The following CDH20 variants were observed in gnomAD, a reference collection of about 807,000 sequenced individuals.
The protein encoded by CDH20 is cadherin 20.
In CDH20, 29 loss-of-function variants were observed where a neutral mutation model predicts 74.2. The ratio of observed to expected loss-of-function variants is 0.39; its 90% CI spans 0.29 to 0.53. CDH20 has a LOEUF of 0.53. CDH20 is among the 20% of genes least tolerant of loss of function. The pLI is 0.69. For synonymous variants in CDH20, 469 were observed against 405.4 expected (o/e 1.16, Z -1.88); for missense variants, 988 against 1,048.3 (o/e 0.94, Z 0.79).
intron 1 of CDH20, among the ~76,000 whole-genome samples, chr18:61,465,323 A>C (rs78654619): frequency 1.3e-5 from 2 of 152,330 alleles, no homozygotes; most frequent in Admixed American, 6.5e-5. Flanking sequence ...CCAGCCCCCT[A>C]GCCTCTCTCA....
chr18:61,509,428 G>A (rs914209034), intron 6 of CDH20, among the ~76,000 whole-genome samples: 22 of 152,218 alleles, frequency 1.4e-4, no homozygotes, highest in East Asian at 1.2e-3. Flanking sequence ...TGAGGAAAGC[G>A]TTCCAAGCAA....
chr18:61,478,454 T>C (rs1229594546), intron 1 of CDH20, among the ~76,000 whole-genome samples: 1 of 152,088 alleles, frequency 6.6e-6, no homozygotes, highest in Non-Finnish European at 1.5e-5. Flanking sequence ...TTTTCTACCT[T>C]TGATAAAGGT....
chr18:61,455,333 T>C (rs985942011), intron 1 of CDH20, among the ~76,000 whole-genome samples: 1 of 152,180 alleles, frequency 6.6e-6, no homozygotes, highest in Non-Finnish European at 1.5e-5. Flanking sequence ...AGTCTGTAGT[T>C]TAGTTAATTA....
At chr18:61,460,173 C>T (rs1909719262) in intron 1 of CDH20, among the ~76,000 whole-genome samples, 1 of 152,174 alleles carries the variant, frequency 6.6e-6, no homozygotes, top group Non-Finnish European at 1.5e-5. Flanking sequence ...TGCATAGAGA[C>T]TGAGCTCACT....
chr18:61,355,784 T>C (rs1910477152), intron 1 of CDH20, among the ~76,000 whole-genome samples: 1 of 152,216 alleles, frequency 6.6e-6, no homozygotes. Flanking sequence ...TTTTCATGGA[T>C]TTTATACACA....
chr18:61,519,769 C>A (rs1291707270), intron 6 of CDH20, among the ~76,000 whole-genome samples: 1 of 150,912 alleles, frequency 6.6e-6, no homozygotes. Context: ...TCACACATAA[C>A]AATATAAACC....
At chr18:61,520,510 G>A (rs919370711) in intron 6 of CDH20, among the ~76,000 whole-genome samples, 1 of 150,696 alleles carries the variant, frequency 6.6e-6, no homozygotes, top group African/African-American at 2.5e-5. Context: ...ACACCCTACT[G>A]TCAATATTAG....
intron 6 of CDH20, among the ~76,000 whole-genome samples, chr18:61,513,553 T>G (rs892049551): frequency 6.7e-6 from 1 of 148,802 alleles, no homozygotes; most frequent in South Asian, 2.2e-4. Context: ...CGATGTTAGC[T>G]GGTTATTTTG....
chr18:61,536,798 G>A (rs1348447376), intron 8 of CDH20, among the ~76,000 whole-genome samples, 169 bp downstream of exon 8: 1 of 152,132 alleles, frequency 6.6e-6, no homozygotes, highest in Non-Finnish European at 1.5e-5. Context: ...CTTTTTTGAG[G>A]CTCGCTTGTA....
intron 6 of CDH20, among the ~76,000 whole-genome samples, chr18:61,525,964 A>ATTTTTTTTTTTT: frequency 1.2e-5 from 1 of 84,366 alleles, no homozygotes; most frequent in Non-Finnish European, 2.2e-5. Context: ...CACCCAGCTA[A>ATTTTTTTTTTTT]TTTTTTTTTT....
chr18:61,437,388 C>T (rs577759122), intron 1 of CDH20, among the ~76,000 whole-genome samples: 1 of 152,260 alleles, frequency 6.6e-6, no homozygotes, highest in African/African-American at 2.4e-5. Context: ...CAACTTCACT[C>T]TTGATGAGAA....
intron 11 of CDH20, among the ~76,000 whole-genome samples, chr18:61,551,974 C>A (rs1913451914): frequency 6.6e-6 from 1 of 152,106 alleles, no homozygotes; most frequent in South Asian, 2.1e-4. Flanking sequence ...GTCTTTTAAA[C>A]CGTACAGAAA....
chr18:61,351,992 A>G (rs1172860321), intron 1 of CDH20, among the ~76,000 whole-genome samples: 3 of 152,234 alleles, frequency 2.0e-5, no homozygotes, highest in Middle Eastern at 3.2e-3. Flanking sequence ...ATAAATGATT[A>G]TCATTTAAAA....
intron 1 of CDH20, among the ~76,000 whole-genome samples, chr18:61,379,071 A>G (rs1911346177): frequency 6.6e-6 from 1 of 152,194 alleles, no homozygotes; most frequent in African/African-American, 2.4e-5. Flanking sequence ...ATCTACAATT[A>G]GGTTTTTCCC....
chr18:61,478,455 TGATAAAGGTAGG>T (rs945572412), intron 1 of CDH20, among the ~76,000 whole-genome samples: 1 of 152,130 alleles, frequency 6.6e-6, no homozygotes, highest in African/African-American at 2.4e-5. Context: ...TTTCTACCTT[TGATAAAGGTAGG>T]GATAAAGGTT....
At chr18:61,390,923 T>C (rs1196047409) in intron 1 of CDH20, among the ~76,000 whole-genome samples, 1 of 152,124 alleles carries the variant, frequency 6.6e-6, no homozygotes, top group South Asian at 2.1e-4. Context: ...GCCTTTTGAA[T>C]ATATCAACAA....
intron 1 of CDH20, among the ~76,000 whole-genome samples, chr18:61,473,560 T>C (rs993909664): frequency 7.0e-6 from 1 of 143,500 alleles, no homozygotes; most frequent in Non-Finnish European, 1.5e-5. Flanking sequence ...AACAGCATTT[T>C]CCATTCCAAG....
intron 1 of CDH20, among the ~76,000 whole-genome samples, chr18:61,363,774 G>A (rs888411486): frequency 5.3e-5 from 8 of 152,144 alleles, no homozygotes; most frequent in Non-Finnish European, 1.0e-4. Context: ...TCATCCCACC[G>A]GATGGTAGTA....
At chr18:61,411,884 A>G (rs1158379630) in intron 1 of CDH20, among the ~76,000 whole-genome samples, 1 of 152,114 alleles carries the variant, frequency 6.6e-6, no homozygotes, top group Non-Finnish European at 1.5e-5. Context: ...AAAAAAGACT[A>G]CAAACTGGGG....
Sources: allele counts gnomAD v4.1 joint callset (sites outside exome capture counted in the v4.1 genomes callset), GRCh38; gene constraint gnomAD v4.1.1; transcripts MANE v1.5; gene names NCBI Gene and HGNC (gene_info 2026-07-23, HGNC 2026-07-21).